UTP20: variants seen among roughly 807,000 people sequenced by gnomAD.
The protein encoded by UTP20 is small subunit processome component 20 homolog.
Under a neutral mutation model 329.5 loss-of-function variants are expected in UTP20, and 164 were observed. That is an observed-to-expected ratio of 0.50 (90% CI 0.44 to 0.57). UTP20 has a LOEUF of 0.57. Ranked by LOEUF, UTP20 falls within the 20% of genes least tolerant of loss-of-function variation. UTP20 has a pLI of 0.00. For synonymous variants in UTP20, 1,151 were observed against 1,159.3 expected, an observed-to-expected ratio of 0.99 and a Z score of 0.14; for missense variants, 3,055 against 3,284.2, an observed-to-expected ratio of 0.93 and a Z score of 1.71.
intron 47 of UTP20, among the ~76,000 whole-genome samples, chr12:101,367,174 A>G (rs931859201): frequency 3.9e-5 from 6 of 151,936 alleles, no homozygotes; most frequent in African/African-American, 1.5e-4. Flanking sequence ...AGTCTTAGTT[A>G]CTCAGGAGGC....
At chr12:101,353,652 C>T (rs1869616421) in intron 40 of UTP20, among the ~76,000 whole-genome samples, 1 of 152,072 alleles carries the variant, frequency 6.6e-6, no homozygotes, top group Non-Finnish European at 1.5e-5. Flanking sequence ...GAGCTATGAT[C>T]ACCATAGCAC....
rs760996816 is a variant in UTP20 at position 101,318,065 on chromosome 12, A to AT, written c.2738+411dup. On this transcript the variant is annotated intron_variant, in intron 22 of 61. Coordinates refer to ENST00000261637, the MANE Select transcript of UTP20 (RefSeq NM_014503.3). ...TTTCTTAAAAATAAGCATGTTAGCA[A>AT]TTTTTTTTTCCTTCCACCCACCTTC... Among the ~76,000 whole-genome samples the AT allele has an allele frequency of 2.3e-3, 342 of 151,600 alleles. 1 individual carries two copies. Among genetic ancestry groups the AT allele is most frequent in the Non-Finnish European group, 3.7e-3 (253 of 67,824 alleles).
At position 101,310,595 on chromosome 12, in the gene UTP20, A is replaced by AAAAAAAAAAAAAAAAAAAAAAAAAAAG. The variant is rs1330692306; in HGVS notation, c.2231+759_2231+760insAAAAAAAAAAAAAAAAAAAAAAAGAAA. ...TGTCTCCCAAAAAAAAAAAAAAAAA[A>AAAAAAAAAAAAAAAAAAAAAAAAAAAG]AAATACATGTTATGGCTCATGTGTA... On this transcript the variant is annotated intron_variant, in intron 19 of 61. Transcript: ENST00000261637. Among the ~76,000 whole-genome samples, 146 of 121,694 alleles carry AAAAAAAAAAAAAAAAAAAAAAAAAAAG rather than the reference A, an allele frequency of 1.2e-3. 12 individuals are homozygous for AAAAAAAAAAAAAAAAAAAAAAAAAAAG. The highest frequency in any genetic ancestry group is 2.3e-3 in the Non-Finnish European group (115 of 49,756). The allele number at this position is 121,694 out of a possible 152,430, so 79.8% of individuals were successfully genotyped here.
rs780590781 is a variant in UTP20, at chr12:101,309,891, T to C, written c.2231+52T>C. On this transcript the variant is annotated intron_variant, in intron 19 of 61. Coordinates refer to ENST00000261637, the MANE Select transcript of UTP20 (RefSeq NM_014503.3). Reference sequence around the variant, plus strand: ...CTATTATACTTTAACTACTGCAGAATGATGGGGCCCAGATTATTCTCCTTC... The same window carrying C: ...CTATTATACTTTAACTACTGCAGAACGATGGGGCCCAGATTATTCTCCTTC... The C allele has an allele frequency of 4.0e-6, 6 of 1,503,740 alleles. No homozygotes were observed. The South Asian group carries it at 6.8e-5, about 17-fold the overall frequency. The allele number at this position is 1,503,740 out of a possible 1,614,324, so 93.1% of individuals were successfully genotyped here. A position where few individuals can be genotyped will look rare whatever the true frequency, so the allele number is the denominator to read the frequency against.
At chr12:101,340,698 T>G (rs1869094324) in intron 32 of UTP20, 88 bp downstream of exon 32, 2 of 803,416 alleles carry the variant, frequency 2.5e-6, no homozygotes, top group African/African-American at 3.5e-5. Flanking sequence ...ACTGGCTAGA[T>G]TTTGTGATGC....
chr12:101,292,630 G>T (rs1341277913), intron 10 of UTP20, among the ~76,000 whole-genome samples: 1 of 152,242 alleles, frequency 6.6e-6, no homozygotes, highest in Admixed American at 6.5e-5. Context: ...TCAGAAGCGG[G>T]GTTAAAAATA....
chr12:101,382,481 G>A (rs1387210042), intron 58 of UTP20, among the ~76,000 whole-genome samples: 1 of 152,152 alleles, frequency 6.6e-6, no homozygotes, highest in East Asian at 1.9e-4. Context: ...TATTCTGTGT[G>A]ACTTTAAAGG....
chr12:101,312,005 C>T, intron 20 of UTP20, 31 bp from the exon 21 acceptor site: 2 of 1,613,144 alleles, frequency 1.2e-6, no homozygotes, highest in Non-Finnish European at 1.7e-6. Context: ...TGATATTTGT[C>T]TGGTGGTTAT....
intron 48 of UTP20, among the ~76,000 whole-genome samples, chr12:101,368,506 A>G (rs1225830626): frequency 1.3e-5 from 2 of 152,096 alleles, no homozygotes; most frequent in African/African-American, 4.8e-5. Flanking sequence ...TCACTTCTCA[A>G]TTTACTAATT....
At chr12:101,295,388 A>G (rs1292206446) in intron 11 of UTP20, 92 bp from the exon 12 acceptor site, 2 of 1,193,532 alleles carry the variant, frequency 1.7e-6, no homozygotes, top group Admixed American at 5.6e-5. Flanking sequence ...GTGATTCTTG[A>G]TCCTTTGTTT....
Position 101,366,574 on chromosome 12 carries a change from G to C in UTP20, c.6142G>C (p.Ala2048Pro). The change falls in exon 47 of 62, where the codon GCA (alanine) becomes CCA (proline). Residue 2048 changes from alanine to proline, a missense_variant. Coordinates refer to ENST00000261637, the MANE Select transcript of UTP20 (RefSeq NM_014503.3). ...GATTGACAGAAATCCAGTAGCCCCA[G>C]CACCAGATCCACGTCTACCACCCCA... ...TEKEKNPVAP[A>P]PDPRLPPQSC... 1 of 1,613,676 alleles carries C rather than the reference G, an allele frequency of 6.2e-7. No homozygotes were observed. The highest frequency in any genetic ancestry group is 2.2e-5 in the East Asian group (1 of 44,862).
rs11110764 is a variant in UTP20, at chr12:101,351,272, G to A, written c.4885-783G>A. Among the ~76,000 whole-genome samples, 665 of 152,112 alleles carry A rather than the reference G, an allele frequency of 4.4e-3. 25 individuals are homozygous for A. In the East Asian group the frequency reaches 0.094, roughly 21 times the overall value. On this transcript the variant is annotated intron_variant, in intron 38 of 61. Coordinates refer to ENST00000261637, the MANE Select transcript of UTP20 (RefSeq NM_014503.3). ...CTCCTGAGTAGCTGGGATTACAGGT[G>A]CACACCACCATGCCCAGCTAATTTT...
At position 101,340,354 on chromosome 12, in the gene UTP20, G is replaced by A. The variant is rs1051269068; in HGVS notation, c.4014-169G>A. On this transcript the variant is annotated intron_variant, in intron 31 of 61. Transcript: ENST00000261637. Reference sequence around the variant, plus strand: ...TTGGAGAGGAGTAAGAGTGAGCACAGCTAAGTAACTGAGGTAAACTTTTTA... The same window carrying A: ...TTGGAGAGGAGTAAGAGTGAGCACAACTAAGTAACTGAGGTAAACTTTTTA... Among the ~76,000 whole-genome samples the A allele has an allele frequency of 3.9e-5, 6 of 152,178 alleles. No individual in the cohort carries two copies. The South Asian group carries it at 1.2e-3, about 31-fold the overall frequency.
Position 101,338,271 on chromosome 12 carries a change from A to G in UTP20, c.3862A>G (p.Ile1288Val). 6.2e-7 allele frequency: 1 copy of G among 1,614,004 alleles called. No homozygotes were observed. Among genetic ancestry groups the G allele is most frequent in the South Asian group, 1.1e-5 (1 of 91,076 alleles). ...TGTATACCCTGGCATAGCAGAAAAC[A>G]TCGGTGGTATGTATGCTGACAAAGC... The part of the protein sequence containing the change: ...GCVYPGIAEN[I>V]GESITIGGRL... The change falls in exon 30 of 62, where the codon ATC becomes GTC. Residue 1288 changes from isoleucine (I) to valine (V), a missense_variant. Ile to Val is a conservative substitution (Grantham distance 29). Coordinates refer to ENST00000261637, the MANE Select transcript of UTP20 (RefSeq NM_014503.3).
chr12:101,350,167 C>A (rs1240783512), intron 38 of UTP20, among the ~76,000 whole-genome samples: 1 of 151,696 alleles, frequency 6.6e-6, no homozygotes, highest in Non-Finnish European at 1.5e-5. Context: ...AAATTATTGC[C>A]AAGGCTGCTA....
Position 101,353,089 on chromosome 12 carries a change from A to G in UTP20, c.5067A>G (p.Lys1689=). The change falls in exon 40 of 62, where the codon AAA becomes AAG. Residue 1689 remains lysine (K), a synonymous_variant. Coordinates refer to ENST00000261637, the MANE Select transcript of UTP20 (RefSeq NM_014503.3). The part of the protein sequence containing the change: ...IVLEAFHFDH[K]TLEEQMGKIE... The stretch of plus-strand genomic sequence containing the variant: ...TAGAAGCATTCCACTTTGACCACAA[A>G]ACTCTTGAAGAACAAATGGGAAAAA... The G allele has an allele frequency of 1.9e-6, 3 of 1,600,504 alleles. No homozygotes were observed. The highest frequency in any genetic ancestry group is 2.6e-6 in the Non-Finnish European group (3 of 1,171,034).
At chr12:101,295,766 CA>C in intron 12 of UTP20, 108 bp downstream of exon 12, 1 of 1,247,292 alleles carries the variant, frequency 8.0e-7, no homozygotes, top group Non-Finnish European at 1.1e-6. Context: ...GAAAGATGTC[CA>C]TGATAAGTTG....
chr12:101,313,127 G>C (rs895402942), intron 21 of UTP20, among the ~76,000 whole-genome samples: 1 of 152,192 alleles, frequency 6.6e-6, no homozygotes. Context: ...TGCTATGTGA[G>C]AGTCTGATTG....
rs925993356 is a variant in UTP20 at position 101,295,699 on chromosome 12, A to G, written c.1430+41A>G. 2.6e-6 allele frequency: 4 copies of G among 1,527,960 alleles called. No individual in the cohort carries two copies. In the Admixed American group the frequency reaches 5.9e-5, roughly 23 times the overall value. The allele number at this position is 1,527,960 out of a possible 1,614,324, so 94.7% of individuals were successfully genotyped here. ...TTATTCCTGTAATGATGATAAGTTT[A>G]CCCATTTAAATGTAATGTATCAAGA... On this transcript the variant is annotated intron_variant, in intron 12 of 61. Transcript: ENST00000261637.
Sources: allele counts gnomAD v4.1 joint callset (sites outside exome capture counted in the v4.1 genomes callset), GRCh38; gene constraint gnomAD v4.1.1; transcripts MANE v1.5; gene names NCBI Gene and HGNC (gene_info 2026-07-23, HGNC 2026-07-21).